SNX13: variants seen among roughly 807,000 people sequenced by gnomAD.
SNX13 encodes sorting nexin 13, also known as sorting nexin-13.
A neutral mutation model predicts 133.6 loss-of-function variants in SNX13; 45 were observed. The ratio of observed to expected loss-of-function variants is 0.34; its 90% CI spans 0.27 to 0.43. The LOEUF (loss-of-function observed/expected upper bound fraction) is 0.43, where lower values mean the gene tolerates loss of function less well. SNX13 is among the 20% of genes least tolerant of loss of function. The pLI, the probability that SNX13 is intolerant of heterozygous loss-of-function variation, is 1.00. For missense variants in SNX13, 1,032 were observed against 1,145.1 expected (o/e 0.90, Z 1.43); for synonymous variants, 414 against 373.9 (o/e 1.11, Z -1.24).
intron 12 of SNX13, among the ~76,000 whole-genome samples, chr7:17,844,736 G>A (rs1163379183): frequency 6.7e-6 from 1 of 148,330 alleles, no homozygotes; most frequent in Admixed American, 6.7e-5. Context: ...TCCAAAGATG[G>A]TTGAACATAC....
At chr7:17,843,302 T>C (rs1003837770) in intron 12 of SNX13, among the ~76,000 whole-genome samples, 3 of 152,018 alleles carry the variant, frequency 2.0e-5, no homozygotes, top group Non-Finnish European at 4.4e-5. Context: ...TCAGCTGAAA[T>C]AGACTTTAAA....
rs1583427852 is a variant in SNX13 at position 17,793,642 on chromosome 7, GCA to G, written c.*401_*402del. The G allele has an allele frequency of 4.4e-5, 7 of 157,720 alleles. No individual in the cohort carries two copies. In the South Asian group the frequency reaches 1.3e-3, roughly 30 times the overall value. 9.8% of individuals were successfully genotyped at this position (157,720 alleles called of 1,614,324 possible). ...AACAAACTCCTCCAAGTCGTACATT[GCA>G]CAGTCTCCAACTGTTAAACAAATTA... On this transcript the variant is annotated 3_prime_UTR_variant, in exon 26 of 26. Transcript: ENST00000428135.
intron 20 of SNX13, among the ~76,000 whole-genome samples, chr7:17,811,721 G>T (rs1010349196): frequency 6.6e-6 from 1 of 152,140 alleles, no homozygotes; most frequent in Admixed American, 6.5e-5. Flanking sequence ...AAAGCTGGAG[G>T]CATCATGCTA....
At chr7:17,809,543 C>A in intron 20 of SNX13, among the ~76,000 whole-genome samples, 1 of 152,108 alleles carries the variant, frequency 6.6e-6, no homozygotes. Flanking sequence ...ACCCTACTGT[C>A]AATATTAGAC....
intron 5 of SNX13, among the ~76,000 whole-genome samples, chr7:17,883,178 G>A (rs1353772622): frequency 6.6e-6 from 1 of 152,116 alleles, no homozygotes; most frequent in Non-Finnish European, 1.5e-5. Flanking sequence ...ATATTTCAAT[G>A]CTTCAAAGAG....
chr7:17,792,041 G>A lies in SNX13; in HGVS notation c.*2004C>T, dbSNP rs1783597952. ...TTACATGACCTTTATTTCCCTAATT[G>A]ATGGCCAGTGCTCCTCACATTATAT... On this transcript the variant is annotated 3_prime_UTR_variant, in exon 26 of 26. Transcript: ENST00000428135. 2 of 151,974 alleles carry A rather than the reference G, an allele frequency of 1.3e-5. No individual in the cohort carries two copies. The highest frequency in any genetic ancestry group is 1.3e-4 in the Admixed American group (2 of 15,240). 9.4% of individuals were successfully genotyped at this position (151,974 alleles called of 1,614,324 possible).
At chr7:17,933,611 A>C (rs1037340976) in intron 1 of SNX13, among the ~76,000 whole-genome samples, 2 of 152,000 alleles carry the variant, frequency 1.3e-5, no homozygotes, top group African/African-American at 4.8e-5. Context: ...ACCACACAAG[A>C]AACTATCCCC....
Position 17,887,138 on chromosome 7 carries a change from G to A in SNX13, c.440+3225C>T, listed in dbSNP as rs550370753. On this transcript the variant is annotated intron_variant, in intron 5 of 25. Coordinates refer to ENST00000428135, the MANE Select transcript of SNX13 (RefSeq NM_015132.5). ...GATTTGCTAAAAATGTCATTTACTGGTTGGCAAATACTTTACTAAATGTTT... is the reference window on the plus strand; with the variant it reads ...GATTTGCTAAAAATGTCATTTACTGATTGGCAAATACTTTACTAAATGTTT... Among the ~76,000 whole-genome samples, 11 of 152,248 alleles carry A rather than the reference G, an allele frequency of 7.2e-5. No homozygotes were observed. In the South Asian group the frequency reaches 1.0e-3, roughly 14 times the overall value.
Position 17,850,828 on chromosome 7 carries a change from T to C in SNX13, c.974A>G (p.Asp325Gly). The change falls in exon 10 of 26, where the codon GAT becomes GGT. Residue 325 changes from aspartate (D) to glycine (G), a missense_variant and splice_region_variant. Transcript: ENST00000428135. ...CTTAAATTAAATACATTACTTACCA[T>C]CACCAGCTGTATCTAGAGATCTAAG... Reference protein sequence around the residue: ...QYLRSLDTAGDDINTIKNQIN... With the variant: ...QYLRSLDTAGGDINTIKNQIN... The C allele has an allele frequency of 6.4e-7, 1 of 1,570,412 alleles. No homozygotes were observed. Among genetic ancestry groups the C allele is most frequent in the Non-Finnish European group, 8.6e-7 (1 of 1,166,180 alleles).
At chr7:17,877,045 G>GAAAAAAAA (rs57618763) in intron 5 of SNX13, among the ~76,000 whole-genome samples, 2 of 60,064 alleles carry the variant, frequency 3.3e-5, no homozygotes, top group African/African-American at 5.2e-5. Flanking sequence ...GTTACTTTTT[G>GAAAAAAAA]AAAAAAAAAA....
chr7:17,812,369 T>C (rs1222189014), intron 20 of SNX13, among the ~76,000 whole-genome samples: 1 of 152,122 alleles, frequency 6.6e-6, no homozygotes, highest in Admixed American at 6.5e-5. Flanking sequence ...AAAGAAGACA[T>C]TTATGCAGCC....
At chr7:17,805,262 CGCGCAT>C (rs1785151275) in intron 20 of SNX13, among the ~76,000 whole-genome samples, 5 of 115,946 alleles carry the variant, frequency 4.3e-5, no homozygotes, top group Non-Finnish European at 9.0e-5. Context: ...CGTGCGCGCG[CGCGCAT>C]GCATGCACAT....
In SNX13 at chr7:17,893,253, G is replaced by A. The variant is rs562229650; in HGVS notation, c.228+79C>T. ...AGTAAACTATACGAAAATTTGTCAC[G>A]CTATATATACAGATGATTACTCTAT... On this transcript the variant is annotated intron_variant, in intron 3 of 25. Coordinates refer to ENST00000428135, the MANE Select transcript of SNX13 (RefSeq NM_015132.5). 22 of 916,284 alleles carry A rather than the reference G, an allele frequency of 2.4e-5. No homozygotes were observed. In the East Asian group the frequency reaches 4.0e-4, roughly 17 times the overall value. 56.8% of individuals were successfully genotyped at this position (916,284 alleles called of 1,614,324 possible).
At chr7:17,876,942 C>G (rs892456325) in intron 5 of SNX13, among the ~76,000 whole-genome samples, 1 of 142,068 alleles carries the variant, frequency 7.0e-6, no homozygotes, top group African/African-American at 2.6e-5. Flanking sequence ...AGATGCTAGA[C>G]AATGGAGGAA....
At chr7:17,822,920 G>A (rs1787465284) in intron 17 of SNX13, among the ~76,000 whole-genome samples, 1 of 152,096 alleles carries the variant, frequency 6.6e-6, no homozygotes, top group African/African-American at 2.4e-5. Flanking sequence ...ATTTTTTGTG[G>A]GTGACAGATA....
At chr7:17,911,670 C>T (rs1358941688) in intron 1 of SNX13, among the ~76,000 whole-genome samples, 1 of 151,084 alleles carries the variant, frequency 6.6e-6, no homozygotes, top group Non-Finnish European at 1.5e-5. Context: ...AACATAATTG[C>T]TTCCCATAAC....
intron 1 of SNX13, among the ~76,000 whole-genome samples, chr7:17,928,033 C>G (rs1800959845): frequency 6.6e-6 from 1 of 152,200 alleles, no homozygotes; most frequent in African/African-American, 2.4e-5. Flanking sequence ...CTAATATTTA[C>G]AAGTTTTGAC....
intron 20 of SNX13, among the ~76,000 whole-genome samples, chr7:17,811,839 G>A (rs1252080222): frequency 1.3e-5 from 2 of 151,918 alleles, no homozygotes; most frequent in Admixed American, 6.6e-5. Context: ...CAGAAATGAC[G>A]CCATACATCT....
intron 9 of SNX13, among the ~76,000 whole-genome samples, chr7:17,865,120 A>T (rs1793224948): frequency 6.6e-6 from 1 of 152,226 alleles, no homozygotes; most frequent in Non-Finnish European, 1.5e-5. Flanking sequence ...TTTCAATCTG[A>T]AAGAAAAGCA....
Sources: gnomAD v4.1 joint callset for allele counts (sites outside exome capture counted in the v4.1 genomes callset) on GRCh38, gnomAD v4.1.1 for gene constraint, MANE v1.5 for transcripts, NCBI Gene and HGNC (gene_info 2026-07-23, HGNC 2026-07-21) for gene names.